WWOX: variants seen among roughly 807,000 people sequenced by gnomAD.
WWOX encodes WW domain containing oxidoreductase.
A neutral mutation model predicts 46.2 loss-of-function variants in WWOX; 69 were observed. The ratio of observed to expected loss-of-function variants is 1.49; its 90% CI spans 1.23 to 1.82. The LOEUF (loss-of-function observed/expected upper bound fraction) is 1.82. Among genes scored for constraint, WWOX ranks in the 40% most tolerant of loss-of-function variants. The pLI, the probability that WWOX is intolerant of heterozygous loss-of-function variation, is 0.00. For missense variants in WWOX, 919 were observed against 542.6 expected (o/e 1.69, Z -6.89); for synonymous variants, 359 against 202.6 (o/e 1.77, Z -6.56).
At chr16:79,211,054 T>TGTGTGTGC in intron 8 of WWOX, among the ~76,000 whole-genome samples, 1 of 152,070 alleles carries the variant, frequency 6.6e-6, no homozygotes, top group South Asian at 2.1e-4. Flanking sequence ...TGTGTGTGTG[T>TGTGTGTGC]GTGCATTAAA....
intron 8 of WWOX, among the ~76,000 whole-genome samples, chr16:78,767,980 T>A (rs1393366841): frequency 6.6e-6 from 1 of 152,116 alleles, no homozygotes; most frequent in Non-Finnish European, 1.5e-5. Context: ...TAGTACTGTT[T>A]AGAAGTTGAG....
At chr16:78,339,366 G>GA (rs373351631) in intron 5 of WWOX, among the ~76,000 whole-genome samples, 3,379 of 70,864 alleles carry the variant, frequency 0.048, 657 homozygotes, top group African/African-American at 0.13. Flanking sequence ...CCTTTTATTA[G>GA]AAAAAAAAAA....
intron 8 of WWOX, among the ~76,000 whole-genome samples, chr16:78,987,527 G>C (rs2046805582): frequency 6.6e-6 from 1 of 152,078 alleles, no homozygotes; most frequent in South Asian, 2.1e-4. Context: ...TTAATCCATT[G>C]TTTTAGTGAG....
At position 79,212,337 on chromosome 16, in the gene WWOX, T is replaced by G. The variant is rs2051793488; in HGVS notation, c.*541T>G. On this transcript the variant is annotated 3_prime_UTR_variant, in exon 9 of 9. Transcript: ENST00000566780. Reference sequence around the variant, plus strand: ...AATCTCAGAACCTTGTCCCAGCCAGTGAGGATGACAGTGACACCCAGAGGG... The same window carrying G: ...AATCTCAGAACCTTGTCCCAGCCAGGGAGGATGACAGTGACACCCAGAGGG... 1 of 703,770 alleles carries G rather than the reference T, an allele frequency of 1.4e-6. No homozygotes were observed. Among genetic ancestry groups the G allele is most frequent in the Admixed American group, 3.0e-5 (1 of 32,830 alleles). 43.6% of individuals were successfully genotyped at this position (703,770 alleles called of 1,614,324 possible). A position where few individuals can be genotyped will look rare whatever the true frequency, so the allele number is the denominator to read the frequency against.
intron 8 of WWOX, among the ~76,000 whole-genome samples, chr16:78,837,356 C>T (rs1420584371): frequency 1.3e-5 from 2 of 152,172 alleles, no homozygotes; most frequent in Non-Finnish European, 2.9e-5. Flanking sequence ...CCTCACCCAG[C>T]AACTTGCTTT....
intron 8 of WWOX, among the ~76,000 whole-genome samples, chr16:78,443,611 C>T (rs534307171): frequency 2.0e-5 from 3 of 152,048 alleles, no homozygotes; most frequent in Non-Finnish European, 2.9e-5. Context: ...AATGAGCACC[C>T]GAGAAGGGGA....
chr16:78,683,539 C>CAAA lies in WWOX; in HGVS notation c.1056+250794_1056+250796dup, dbSNP rs71384376. Among the ~76,000 whole-genome samples the CAAA allele has an allele frequency of 4.5e-4, 66 of 145,684 alleles. 1 individual carries two copies. Among genetic ancestry groups the CAAA allele is most frequent in the East Asian group, 3.5e-3 (17 of 4,876 alleles). On this transcript the variant is annotated intron_variant, in intron 8 of 8. Coordinates refer to ENST00000566780, the MANE Select transcript of WWOX (RefSeq NM_016373.4). ...TGGCTGACAGAGGGAGACTCTATCT[C>CAAA]AAAAAAAAATAATAAAAATAATAAA...
chr16:78,592,219 T>G (rs1007052886), intron 8 of WWOX, among the ~76,000 whole-genome samples: 1 of 152,232 alleles, frequency 6.6e-6, no homozygotes, highest in Non-Finnish European at 1.5e-5. Flanking sequence ...TTGTTTTATT[T>G]TTTGTTTGTT....
intron 8 of WWOX, among the ~76,000 whole-genome samples, chr16:78,521,115 A>G (rs562489123): frequency 6.6e-6 from 1 of 152,320 alleles, no homozygotes; most frequent in East Asian, 1.9e-4. Flanking sequence ...TCCTTGCTTT[A>G]AAACATTTGA....
intron 8 of WWOX, among the ~76,000 whole-genome samples, chr16:78,588,108 C>A (rs756272275): frequency 6.6e-6 from 1 of 151,832 alleles, no homozygotes; most frequent in Non-Finnish European, 1.5e-5. Context: ...TTCCTGCTGG[C>A]GGGCCTTGCA....
intron 8 of WWOX, among the ~76,000 whole-genome samples, chr16:78,649,185 A>G (rs955529035): frequency 2.6e-5 from 4 of 152,044 alleles, no homozygotes; most frequent in Non-Finnish European, 4.4e-5. Flanking sequence ...GGATTTCACC[A>G]TGTTGGCCAG....
chr16:78,523,065 C>T (rs752430691), intron 8 of WWOX, among the ~76,000 whole-genome samples: 1 of 152,054 alleles, frequency 6.6e-6, no homozygotes, highest in Non-Finnish European at 1.5e-5. Flanking sequence ...GAGTGAAACC[C>T]ATCCCCCAAA....
rs141915985 is a variant in WWOX at position 78,323,110 on chromosome 16, T to G, written c.517-63750T>G. Among the ~76,000 whole-genome samples the G allele has an allele frequency of 1.4e-3, 214 of 152,120 alleles. 1 individual carries two copies. The highest frequency in any genetic ancestry group is 2.6e-3 in the Non-Finnish European group (179 of 67,982). On this transcript the variant is annotated intron_variant, in intron 5 of 8. Coordinates refer to ENST00000566780, the MANE Select transcript of WWOX (RefSeq NM_016373.4). The stretch of plus-strand genomic sequence containing the variant: ...TATGATTTGGGGTTCTTGTATTTTT[T>G]TTTGTTTGTTTGTTTGAGACGGAGT...
chr16:78,768,716 C>T (rs758937955), intron 8 of WWOX, among the ~76,000 whole-genome samples: 37 of 152,024 alleles, frequency 2.4e-4, no homozygotes, highest in African/African-American at 8.5e-4. Context: ...AATTGCCCAG[C>T]GTTTTAATTA....
At chr16:78,318,959 T>G (rs574363214) in intron 5 of WWOX, among the ~76,000 whole-genome samples, 1 of 152,268 alleles carries the variant, frequency 6.6e-6, no homozygotes, top group African/African-American at 2.4e-5. Flanking sequence ...TGGATATGCT[T>G]TGTTACATGG....
chr16:78,324,290 C>T (rs1408716779), intron 5 of WWOX, among the ~76,000 whole-genome samples: 1 of 152,106 alleles, frequency 6.6e-6, no homozygotes, highest in African/African-American at 2.4e-5. Flanking sequence ...AGTCAGACAG[C>T]AGCAGGTGTT....
chr16:79,029,369 T>C (rs1170653716), intron 8 of WWOX, among the ~76,000 whole-genome samples: 2 of 152,172 alleles, frequency 1.3e-5, no homozygotes, highest in African/African-American at 4.8e-5. Flanking sequence ...GTTAATTTCC[T>C]CCACATACAC....
At chr16:78,203,831 C>T (rs2036308738) in intron 5 of WWOX, among the ~76,000 whole-genome samples, 1 of 152,208 alleles carries the variant, frequency 6.6e-6, no homozygotes, top group Non-Finnish European at 1.5e-5. Flanking sequence ...TTACTCTCCT[C>T]CCTTTCTCAT....
chr16:78,864,173 A>G (rs1167181717), intron 8 of WWOX, among the ~76,000 whole-genome samples: 2 of 152,198 alleles, frequency 1.3e-5, no homozygotes, highest in South Asian at 2.1e-4. Flanking sequence ...GGGGTCATAC[A>G]GTAAATCTAT....
Sources: allele counts gnomAD v4.1 joint callset (sites outside exome capture counted in the v4.1 genomes callset), GRCh38; gene constraint gnomAD v4.1.1; transcripts MANE v1.5; gene names NCBI Gene and HGNC (gene_info 2026-07-23, HGNC 2026-07-21).